The following CCDC138 variants were observed in gnomAD, a reference collection of about 807,000 sequenced individuals.
CCDC138 encodes coiled-coil domain containing 138, also known as coiled-coil domain-containing protein 138.
A neutral mutation model predicts 82.3 loss-of-function variants in CCDC138; 66 were observed. The ratio of observed to expected loss-of-function variants is 0.80; its 90% CI spans 0.66 to 0.98. CCDC138 has a LOEUF of 0.98. Ranked by LOEUF, CCDC138 falls within the 50% of genes least tolerant of loss-of-function variation. The pLI is 0.00. For synonymous variants in CCDC138, 297 were observed against 265.4 expected (o/e 1.12, Z -1.16); for missense variants, 816 against 758.9 (o/e 1.08, Z -0.88).
At chr2:108,794,836 A>G in intron 5 of CCDC138, 115 bp downstream of exon 5, 1 of 836,586 alleles carries the variant, frequency 1.2e-6, no homozygotes, top group Middle Eastern at 3.6e-4. Context: ...AAGTTTGTCA[A>G]GAGAAGGACG....
intron 9 of CCDC138, among the ~76,000 whole-genome samples, chr2:108,813,766 G>A (rs910511666): frequency 2.0e-5 from 3 of 152,088 alleles, no homozygotes; most frequent in South Asian, 2.1e-4. Context: ...CACTATCCTA[G>A]AAAGTTCTCT....
chr2:108,794,002 T>C (rs1050895039), intron 4 of CCDC138, among the ~76,000 whole-genome samples: 2 of 152,210 alleles, frequency 1.3e-5, no homozygotes. Flanking sequence ...AGGAGGATGC[T>C]GTATACAGTG....
intron 10 of CCDC138, among the ~76,000 whole-genome samples, chr2:108,824,630 C>G (rs894799985): frequency 1.3e-5 from 2 of 152,106 alleles, no homozygotes; most frequent in African/African-American, 4.8e-5. Context: ...AGGAGTACAT[C>G]TAAAATAATG....
At chr2:108,797,849 T>A (rs1681159668) in intron 5 of CCDC138, among the ~76,000 whole-genome samples, 1 of 152,000 alleles carries the variant, frequency 6.6e-6, no homozygotes, top group African/African-American at 2.4e-5. Flanking sequence ...CTTTGGAGAA[T>A]GAGGGAGAGA....
At position 108,798,501 on chromosome 2, in the gene CCDC138, A is replaced by G; in HGVS notation, c.650A>G (p.Gln217Arg). The G allele has an allele frequency of 6.2e-7, 1 of 1,614,038 alleles. No individual in the cohort carries two copies. Among genetic ancestry groups the G allele is most frequent in the Non-Finnish European group, 8.5e-7 (1 of 1,179,938 alleles). Residue 217 changes from glutamine to arginine, a missense_variant, in exon 6 of 15, where the codon CAA becomes CGA. Gln to Arg is a conservative substitution (Grantham distance 43). Coordinates refer to ENST00000295124, the MANE Select transcript of CCDC138 (RefSeq NM_144978.3). Reference protein sequence around the residue: ...KRERFLLEREQLLFRHENALS... With the variant: ...KRERFLLERERLLFRHENALS... ...GAACGTTTTTTACTTGAAAGAGAAC[A>G]ACTGCTTTTCAGACATGAAAATGCC... is the stretch of plus-strand genomic sequence containing the variant.
chr2:108,825,353 C>A (rs1686378547), intron 10 of CCDC138, among the ~76,000 whole-genome samples: 1 of 151,894 alleles, frequency 6.6e-6, no homozygotes, highest in African/African-American at 2.4e-5. Context: ...CTGTGCAATT[C>A]AGTGTTTTTT....
chr2:108,828,803 C>G (rs572749828), intron 10 of CCDC138, among the ~76,000 whole-genome samples: 80 of 152,010 alleles, frequency 5.3e-4, no homozygotes, highest in Non-Finnish European at 1.1e-3. Flanking sequence ...ATAGTGAAAC[C>G]CTATCTGTAC....
chr2:108,829,158 TAA>T (rs1481679903), intron 10 of CCDC138, among the ~76,000 whole-genome samples: 1 of 151,994 alleles, frequency 6.6e-6, no homozygotes, highest in Non-Finnish European at 1.5e-5. Context: ...TCATCAAAAT[TAA>T]AAATGTTTGT....
intron 7 of CCDC138, among the ~76,000 whole-genome samples, chr2:108,809,751 G>T (rs1049907237): frequency 2.6e-5 from 4 of 152,018 alleles, no homozygotes; most frequent in African/African-American, 9.7e-5. Flanking sequence ...TCTTTGCATT[G>T]AAGATCATGT....
chr2:108,870,877 ACT>A (rs1452679621), intron 13 of CCDC138, among the ~76,000 whole-genome samples: 1 of 152,018 alleles, frequency 6.6e-6, no homozygotes, highest in Non-Finnish European at 1.5e-5. Context: ...GATGGAAAAA[ACT>A]CTGGAGATGG....
chr2:108,870,927 G>A (rs938412831), intron 13 of CCDC138, among the ~76,000 whole-genome samples: 1 of 152,140 alleles, frequency 6.6e-6, no homozygotes, highest in African/African-American at 2.4e-5. Flanking sequence ...TAATACCACA[G>A]AACTGAAAAC....
intron 12 of CCDC138, among the ~76,000 whole-genome samples, chr2:108,856,372 C>T (rs1159213334): frequency 1.3e-5 from 2 of 152,108 alleles, no homozygotes; most frequent in African/African-American, 4.8e-5. Context: ...GTATAAATTA[C>T]ATTTTGAAGT....
At chr2:108,857,119 G>A (rs1017483824) in intron 13 of CCDC138, 149 bp downstream of exon 13, 66 of 406,368 alleles carry the variant, frequency 1.6e-4, no homozygotes, top group East Asian at 8.0e-4. Context: ...TCGCTTTGTC[G>A]TCAAGCTGGA....
At chr2:108,793,292 C>T (rs897560216) in intron 4 of CCDC138, among the ~76,000 whole-genome samples, 10 of 152,108 alleles carry the variant, frequency 6.6e-5, no homozygotes, top group Non-Finnish European at 1.2e-4. Flanking sequence ...GAGGTCGCGC[C>T]ACTGCACTCC....
At chr2:108,809,066 G>A (rs1275084706) in intron 7 of CCDC138, among the ~76,000 whole-genome samples, 2 of 152,090 alleles carry the variant, frequency 1.3e-5, no homozygotes, top group African/African-American at 4.8e-5. Context: ...GATTTGTTGA[G>A]GAGACTGTCA....
chr2:108,868,809 A>C (rs1486276413), intron 13 of CCDC138, among the ~76,000 whole-genome samples: 1 of 152,194 alleles, frequency 6.6e-6, no homozygotes, highest in Admixed American at 6.5e-5. Context: ...AAGAAAAAAA[A>C]GCTAAGGGTT....
At chr2:108,833,894 ATTTTT>A (rs749488565) in intron 10 of CCDC138, among the ~76,000 whole-genome samples, 18 of 79,222 alleles carry the variant, frequency 2.3e-4, no homozygotes, top group African/African-American at 7.0e-4. Flanking sequence ...CGCCCGGCTA[ATTTTT>A]TTTTTTTTTT....
chr2:108,796,750 G>A (rs757464931), intron 5 of CCDC138, among the ~76,000 whole-genome samples: 1 of 152,162 alleles, frequency 6.6e-6, no homozygotes, highest in Non-Finnish European at 1.5e-5. Context: ...GTTCTCACTC[G>A]TGTGGGGTGG....
Position 108,846,936 on chromosome 2 carries a change from C to A in CCDC138, c.1516+6C>A, listed in dbSNP as rs754033972. 4.0e-6 allele frequency: 6 copies of A among 1,484,094 alleles called. No individual in the cohort carries two copies. In the South Asian group the frequency reaches 6.9e-5, roughly 17 times the overall value. The allele number at this position is 1,484,094 out of a possible 1,614,324, so 91.9% of individuals were successfully genotyped here. Reference sequence around the variant, plus strand: ...TCTCAAAACAGTCACTCAAGGTAAGCTTTCAATTGTACTTATGGTTAATTT... The same window carrying A: ...TCTCAAAACAGTCACTCAAGGTAAGATTTCAATTGTACTTATGGTTAATTT... On this transcript the variant is annotated splice_donor_region_variant and intron_variant, in intron 12 of 14. Coordinates refer to ENST00000295124, the MANE Select transcript of CCDC138 (RefSeq NM_144978.3).
Sources: allele counts gnomAD v4.1 joint callset (sites outside exome capture counted in the v4.1 genomes callset), GRCh38; gene constraint gnomAD v4.1.1; transcripts MANE v1.5; gene names NCBI Gene and HGNC (gene_info 2026-07-23, HGNC 2026-07-21).